Variants in CEP164 observed in about 807,000 individuals in gnomAD.
CEP164 encodes centrosomal protein 164, also known as centrosomal protein of 164 kDa.
In CEP164, 162 loss-of-function variants were observed where a neutral mutation model predicts 182.7. That is an observed-to-expected ratio of 0.89 (90% confidence interval 0.78 to 1.01). CEP164 has a LOEUF of 1.01. Among genes scored for constraint, CEP164 ranks in the 50% least tolerant of loss-of-function variants. The pLI is 0.00. For synonymous variants in CEP164, 661 were observed against 690.0 expected (o/e 0.96, Z 0.66); for missense variants, 1,735 against 1,790.4 (o/e 0.97, Z 0.56).
intron 28 of CEP164, 67 bp downstream of exon 28, chr11:117,408,099 G>C: frequency 2.4e-6 from 3 of 1,247,836 alleles, no homozygotes; most frequent in Non-Finnish European, 3.4e-6. Flanking sequence ...GGATTGGGTT[G>C]AGTTCTTTGG....
chr11:117,406,536 C>T (rs762095879), intron 27 of CEP164, among the ~76,000 whole-genome samples: 17 of 152,302 alleles, frequency 1.1e-4, no homozygotes, highest in East Asian at 3.9e-4. Context: ...GTGAAGAGTA[C>T]GACTAATGTT....
chr11:117,336,353 A>G lies in CEP164; in HGVS notation c.-22+673A>G, dbSNP rs958460635. 2.3e-5 allele frequency: 33 copies of G among 1,439,738 alleles called. 1 individual carries two copies. The highest frequency in any genetic ancestry group is 2.1e-4 in the African/African-American group (15 of 71,456). 89.2% of individuals were successfully genotyped at this position (1,439,738 alleles called of 1,614,324 possible). ...GCTGGTCTGACCATGCCAGGAGCCA[A>G]GAGATTCACAGGAGGGATTCCAGGG... On this transcript the variant is annotated intron_variant, in intron 2 of 32. Coordinates refer to ENST00000278935, the MANE Select transcript of CEP164 (RefSeq NM_014956.5).
At chr11:117,374,700 G>A (rs940552719) in intron 10 of CEP164, among the ~76,000 whole-genome samples, 2 of 152,192 alleles carry the variant, frequency 1.3e-5, no homozygotes, top group African/African-American at 4.8e-5. Context: ...ATGAAGAATC[G>A]CCATGTCACA....
In CEP164 at chr11:117,387,310, T is replaced by A; in HGVS notation, c.1832T>A (p.Leu611Gln). The change falls in exon 15 of 33, where the codon CTG (leucine) becomes CAG (glutamine). Residue 611 changes from leucine to glutamine, a missense_variant. Transcript: ENST00000278935. ...QVLEQDQRHL[L>Q]ESKQEKMQQL... Reference sequence around the variant, plus strand: ...CTCGAGCAAGACCAGAGGCACCTGCTGGAATCCAAGCAAGAGAAGATGCAG... The same window carrying A: ...CTCGAGCAAGACCAGAGGCACCTGCAGGAATCCAAGCAAGAGAAGATGCAG... 1 of 1,614,172 alleles carries A rather than the reference T, an allele frequency of 6.2e-7. No individual in the cohort carries two copies. The highest frequency in any genetic ancestry group is 8.5e-7 in the Non-Finnish European group (1 of 1,180,034).
rs775621495 is a variant in CEP164, at chr11:117,409,372, T to C, written c.3749-246T>C. 4.9e-5 allele frequency: 28 copies of C among 576,692 alleles called. No homozygotes were observed. Among genetic ancestry groups the C allele is most frequent in the Non-Finnish European group, 7.7e-5 (25 of 326,620 alleles). The allele number at this position is 576,692 out of a possible 1,614,324, so 35.7% of individuals were successfully genotyped here. Reference sequence around the variant, plus strand: ...GAAGGGCCCTCTCCCCTTCCTTCTCTCTGGGGTCCTGGGCCCTTCACCCAG... The same window carrying C: ...GAAGGGCCCTCTCCCCTTCCTTCTCCCTGGGGTCCTGGGCCCTTCACCCAG... On this transcript the variant is annotated intron_variant, in intron 29 of 32. Transcript: ENST00000278935. This position sits in a 1 kb window ranked among gnomAD's most constrained non-coding sequence, Gnocchi z 4.4.
chr11:117,348,265 C>A (rs1210727453), intron 4 of CEP164, among the ~76,000 whole-genome samples: 1 of 152,010 alleles, frequency 6.6e-6, no homozygotes, highest in African/African-American at 2.4e-5. Flanking sequence ...AGCCACAGCG[C>A]CCAGCCTAGA....
chr11:117,389,564 A>G (rs945517404), intron 15 of CEP164, among the ~76,000 whole-genome samples: 1 of 152,238 alleles, frequency 6.6e-6, no homozygotes, highest in Admixed American at 6.5e-5. Context: ...CATGTGACGC[A>G]TGGTGCAGAG....
At chr11:117,338,289 G>A (rs1029187247) in intron 2 of CEP164, among the ~76,000 whole-genome samples, 1 of 152,134 alleles carries the variant, frequency 6.6e-6, no homozygotes, top group Admixed American at 6.5e-5. Context: ...ATCTGGGGGA[G>A]GCACAAAGTC....
At chr11:117,334,784 CAAA>C (rs5795074) in intron 1 of CEP164, among the ~76,000 whole-genome samples, 2 of 102,974 alleles carry the variant, frequency 1.9e-5, no homozygotes, top group Non-Finnish European at 1.9e-5. Context: ...GACTTCGTTT[CAAA>C]AAAAAAAAAA....
At chr11:117,405,818 A>G (rs993006089) in intron 27 of CEP164, among the ~76,000 whole-genome samples, 5 of 152,182 alleles carry the variant, frequency 3.3e-5, no homozygotes, top group African/African-American at 1.2e-4. Flanking sequence ...CTGGAGCAAA[A>G]TGCTTCCAGT....
chr11:117,342,902 T>G (rs1170008131), intron 3 of CEP164, among the ~76,000 whole-genome samples: 1 of 152,184 alleles, frequency 6.6e-6, no homozygotes, highest in Non-Finnish European at 1.5e-5. Flanking sequence ...TGAGATGAAG[T>G]CTTGCTTTGT....
At chr11:117,337,053 G>T (rs2037259628) in intron 2 of CEP164, among the ~76,000 whole-genome samples, 1 of 152,102 alleles carries the variant, frequency 6.6e-6, no homozygotes, top group East Asian at 1.9e-4. Flanking sequence ...CCCATCCCTG[G>T]AGCTAGAAAC....
rs1438526675 is a variant in CEP164 at position 117,411,483 on chromosome 11, T to C, written c.4164-312T>C. On this transcript the variant is annotated intron_variant, in intron 31 of 32. Transcript: ENST00000278935. The surrounding 1 kb of genome is among the most constrained non-coding windows in gnomAD (Gnocchi z 4.4). ...CTTTGGCCAACTTGAGAGCTGATGC[T>C]GGCCAAGGATTGAGTTGACAGAGGG... 7 of 340,268 alleles carry C rather than the reference T, an allele frequency of 2.1e-5. No individual in the cohort carries two copies. The highest frequency in any genetic ancestry group is 1.5e-4 in the African/African-American group (7 of 47,824). The allele number at this position is 340,268 out of a possible 1,614,324, so 21.1% of individuals were successfully genotyped here.
At chr11:117,322,276 C>T (rs963615219) in intron 1 of CEP164, among the ~76,000 whole-genome samples, 5 of 151,886 alleles carry the variant, frequency 3.3e-5, no homozygotes, top group South Asian at 2.1e-4. Flanking sequence ...CCACCATGCC[C>T]GGCTAATTTT....
At chr11:117,382,265 C>T (rs1300023146) in intron 13 of CEP164, among the ~76,000 whole-genome samples, 6 of 152,186 alleles carry the variant, frequency 3.9e-5, no homozygotes, top group Non-Finnish European at 5.9e-5. Flanking sequence ...CCCTCCCTAC[C>T]AGCACCCCTG....
At chr11:117,397,758 A>G (rs567830704) in intron 27 of CEP164, among the ~76,000 whole-genome samples, 9 of 152,300 alleles carry the variant, frequency 5.9e-5, no homozygotes, top group Non-Finnish European at 7.3e-5. Flanking sequence ...GTATGGGGGA[A>G]ATGGCCCCTG....
rs1345777178 is a variant in CEP164 at position 117,411,786 on chromosome 11, C to G, written c.4164-9C>G. On this transcript the variant is annotated splice_polypyrimidine_tract_variant and intron_variant, in intron 31 of 32. Transcript: ENST00000278935. The surrounding 1 kb of genome is among the most constrained non-coding windows in gnomAD (Gnocchi z 4.4). ...TCTCCCCTCGCCATGCTCTCCTCTT[C>G]CTTCCCAGTGAGCAGCTCCGGCTCC... The G allele has an allele frequency of 2.5e-6, 4 of 1,614,082 alleles. No homozygotes were observed. In the East Asian group the frequency reaches 6.7e-5, roughly 27 times the overall value.
Position 117,393,042 on chromosome 11 carries a change from A to T in CEP164, c.2532A>T (p.Glu844Asp). 6.2e-7 allele frequency: 1 copy of T among 1,613,684 alleles called. No individual in the cohort carries two copies. The highest frequency in any genetic ancestry group is 2.2e-5 in the East Asian group (1 of 44,866). ...TGCGAGAGAAGCGCCAGGAAGTGGAAGGGGAGCATGAGAGGAGGTTGGACA... is the reference window on the plus strand; with the variant it reads ...TGCGAGAGAAGCGCCAGGAAGTGGATGGGGAGCATGAGAGGAGGTTGGACA... ...SLLREKRQEV[E>D]GEHERRLDKM... Residue 844 changes from glutamate to aspartate, a missense_variant, in exon 20 of 33, where the codon GAA becomes GAT. By Grantham distance (45) the Glu-to-Asp change is conservative (BLOSUM62 2). Coordinates refer to ENST00000278935, the MANE Select transcript of CEP164 (RefSeq NM_014956.5).
chr11:117,359,440 A>T (rs2040686301), intron 5 of CEP164: 1 of 985,242 alleles, frequency 1.0e-6, no homozygotes, highest in Non-Finnish European at 1.2e-6. Flanking sequence ...AGGCCAGATG[A>T]TTGTGGACCT....
Sources: allele counts gnomAD v4.1 joint callset (sites outside exome capture counted in the v4.1 genomes callset), GRCh38; gene constraint gnomAD v4.1.1; non-coding constraint Gnocchi (gnomAD v3.1); transcripts MANE v1.5; gene names NCBI Gene and HGNC (gene_info 2026-07-23, HGNC 2026-07-21).